The following KARS1 variants were observed in gnomAD, a reference collection of about 807,000 sequenced individuals.
KARS1 encodes the protein lysyl-tRNA synthetase 1.
In KARS1, 50 loss-of-function variants were observed where a neutral mutation model predicts 63.9. The ratio of observed to expected loss-of-function variants is 0.78; its 90% CI spans 0.62 to 0.99. KARS1 has a LOEUF of 0.99. Ranked by LOEUF, KARS1 falls within the 50% of genes least tolerant of loss-of-function variation. The pLI is 0.00. For missense variants in KARS1, 816 were observed against 754.5 expected, an observed-to-expected ratio of 1.08 and a Z score of -0.95; for synonymous variants, 320 against 264.6, an observed-to-expected ratio of 1.21 and a Z score of -2.03.
chr16:75,633,514 A>AT (rs1345091332), intron 7 of KARS1, among the ~76,000 whole-genome samples: 3 of 139,974 alleles, frequency 2.1e-5, no homozygotes, highest in Non-Finnish European at 3.1e-5. Flanking sequence ...ATTTGAAGAT[A>AT]CTTTTTTTTT....
intron 6 of KARS1, 179 bp downstream of exon 6, chr16:75,635,501 C>T: frequency 2.8e-6 from 2 of 711,148 alleles, no homozygotes; most frequent in Non-Finnish European, 4.9e-6. Context: ...TCTTGGAAGT[C>T]AGGTCCTGCC....
At chr16:75,628,754 A>G (rs748357802) in intron 12 of KARS1, 42 bp from the exon 13 acceptor site, 5 of 1,610,232 alleles carry the variant, frequency 3.1e-6, no homozygotes, top group South Asian at 1.1e-5. Context: ...TTCTTCTAAG[A>G]TATCTCAGTG....
chr16:75,642,551 C>A (rs184691039), intron 1 of KARS1, among the ~76,000 whole-genome samples: 121 of 152,122 alleles, frequency 8.0e-4, no homozygotes, highest in African/African-American at 2.9e-3. Context: ...CCTCTGCTAC[C>A]CCCTCTCTCT....
intron 1 of KARS1, among the ~76,000 whole-genome samples, chr16:75,645,821 G>T (rs999656890): frequency 9.3e-4 from 136 of 145,834 alleles, no homozygotes; most frequent in African/African-American, 3.2e-3. Context: ...CAATCCAGCC[G>T]GGGCAACAAC....
chr16:75,643,360 G>A (rs2082245370), intron 1 of KARS1, among the ~76,000 whole-genome samples: 1 of 151,622 alleles, frequency 6.6e-6, no homozygotes, highest in Non-Finnish European at 1.5e-5. Context: ...AAAATGAATT[G>A]AGGTTTTGAA....
intron 7 of KARS1, 124 bp from the exon 8 acceptor site, chr16:75,631,979 C>G: frequency 8.6e-7 from 1 of 1,156,424 alleles, no homozygotes; most frequent in African/African-American, 1.5e-5. Context: ...CCTCCGCCTC[C>G]TAGGTTCAAG....
intron 1 of KARS1, among the ~76,000 whole-genome samples, chr16:75,646,005 GAACTA>G (rs2082278975): frequency 6.6e-6 from 1 of 152,100 alleles, no homozygotes; most frequent in South Asian, 2.1e-4. Context: ...TTGAAAGAAT[GAACTA>G]AACTTTAGGA....
chr16:75,632,715 G>A (rs1307002351), intron 7 of KARS1, among the ~76,000 whole-genome samples: 1 of 152,160 alleles, frequency 6.6e-6, no homozygotes, highest in Non-Finnish European at 1.5e-5. Context: ...ATTCCTAGTT[G>A]TATAGTTTCC....
intron 1 of KARS1, 152 bp downstream of exon 1, chr16:75,647,426 C>A (rs2082300122): frequency 1.6e-5 from 12 of 773,672 alleles, no homozygotes; most frequent in Non-Finnish European, 2.7e-5. Flanking sequence ...GGTACGTGGT[C>A]TGCAGGGCGC....
intron 6 of KARS1, among the ~76,000 whole-genome samples, 169 bp from the exon 7 acceptor site, chr16:75,634,461 G>C (rs565287634): frequency 6.6e-6 from 1 of 152,192 alleles, no homozygotes; most frequent in Non-Finnish European, 1.5e-5. Context: ...GATTTTCTAC[G>C]ACAGTGTCTC....
At chr16:75,645,809 T>G (rs1269384170) in intron 1 of KARS1, among the ~76,000 whole-genome samples, 3 of 132,776 alleles carry the variant, frequency 2.3e-5, no homozygotes, top group Non-Finnish European at 4.6e-5. Context: ...ATCGCACCGC[T>G]GCAATCCAGC....
chr16:75,638,460 TCA>T (rs1293331748), intron 3 of KARS1, among the ~76,000 whole-genome samples: 1 of 151,778 alleles, frequency 6.6e-6, no homozygotes, highest in African/African-American at 2.4e-5. Flanking sequence ...TGTTCAACTC[TCA>T]CTTATGAGTG....
chr16:75,640,165 T>A lies in KARS1; in HGVS notation c.388+19A>T, dbSNP rs74830021. On this transcript the variant is annotated intron_variant, in intron 3 of 13. Transcript: ENST00000302445. ...TACCTGCTGTGGGAGTTCAGTGATT[T>A]GCCAGGGAGAGTTCCTACCTGCCAC... 730 of 1,611,830 alleles carry A rather than the reference T, an allele frequency of 4.5e-4. 13 individuals carry two copies. In the East Asian group the frequency reaches 0.015, roughly 34 times the overall value.
Position 75,634,310 on chromosome 16 carries a change from A to G in KARS1, c.796-18T>C. ...GTTTCAATCTAAAAAAGGCAGGGAG[A>G]AACATCAGTCCTTAGATAACCAGAG... On this transcript the variant is annotated intron_variant, in intron 6 of 13. Transcript: ENST00000302445. 5 of 1,613,560 alleles carry G rather than the reference A, an allele frequency of 3.1e-6. No individual in the cohort carries two copies. The highest frequency in any genetic ancestry group is 4.2e-6 in the Non-Finnish European group (5 of 1,179,680).
rs2082151503 is a variant in KARS1 at position 75,635,461 on chromosome 16, C to G, written c.795+219G>C. 9 of 562,248 alleles carry G rather than the reference C, an allele frequency of 1.6e-5. No individual in the cohort carries two copies. In the Admixed American group the frequency reaches 2.7e-4, roughly 17 times the overall value. The allele number at this position is 562,248 out of a possible 1,614,324, so 34.8% of individuals were successfully genotyped here. On this transcript the variant is annotated intron_variant, in intron 6 of 13. Coordinates refer to ENST00000302445, the MANE Select transcript of KARS1 (RefSeq NM_005548.3). ...TACATATTGAATGTGACATCATTAG[C>G]ATGTGGATGGCCCTATACCTTGTCC...
rs747105466 is a variant in KARS1 at position 75,627,878 on chromosome 16, C to T, written c.*17G>A. The T allele has an allele frequency of 2.6e-5, 37 of 1,402,788 alleles. No homozygotes were observed. In the Admixed American group the frequency reaches 5.8e-4, roughly 22 times the overall value. 86.9% of individuals were successfully genotyped at this position (1,402,788 alleles called of 1,614,324 possible). A position where few individuals can be genotyped will look rare whatever the true frequency, so the allele number is the denominator to read the frequency against. ...ATGCAAAGACGCCTGAGTTATACAACTTGCAATTATTATTTTCTAGACAGA... is the reference window on the plus strand; with the variant it reads ...ATGCAAAGACGCCTGAGTTATACAATTTGCAATTATTATTTTCTAGACAGA... On this transcript the variant is annotated 3_prime_UTR_variant, in exon 14 of 14. Coordinates refer to ENST00000302445, the MANE Select transcript of KARS1 (RefSeq NM_005548.3).
At position 75,629,449 on chromosome 16, in the gene KARS1, A is replaced by T; in HGVS notation, c.1517T>A (p.Met506Lys). ...TTCTTCAAAAAGCTGCCGCTGCCGCATGGGATCATTCAGCTCAGTATACGC... is the reference window on the plus strand; with the variant it reads ...TTCTTCAAAAAGCTGCCGCTGCCGCTTGGGATCATTCAGCTCAGTATACGC... Reference protein sequence around the residue: ...CNAYTELNDPMRQRQLFEEQA... With the variant: ...CNAYTELNDPKRQRQLFEEQA... The change falls in exon 12 of 14, where the codon ATG becomes AAG. Residue 506 changes from methionine (M) to lysine (K), a missense_variant. Transcript: ENST00000302445. The T allele has an allele frequency of 6.2e-7, 1 of 1,614,176 alleles. No homozygotes were observed. Among genetic ancestry groups the T allele is most frequent in the East Asian group, 2.2e-5 (1 of 44,888 alleles).
chr16:75,629,291 A>AC (rs753552862), intron 12 of KARS1, 124 bp downstream of exon 12: 3 of 1,166,298 alleles, frequency 2.6e-6, no homozygotes, highest in Non-Finnish European at 3.6e-6. Flanking sequence ...CTCCTCCAGC[A>AC]AGCCTATGGC....
intron 7 of KARS1, among the ~76,000 whole-genome samples, chr16:75,633,751 A>C (rs111676921): frequency 0.032 from 4,917 of 152,292 alleles, 120 homozygotes; most frequent in African/African-American, 0.067. Context: ...TCTTGACCTC[A>C]AGTGATCCAT....
Sources: gnomAD v4.1 joint callset for allele counts (sites outside exome capture counted in the v4.1 genomes callset) on GRCh38, gnomAD v4.1.1 for gene constraint, MANE v1.5 for transcripts, NCBI Gene and HGNC (gene_info 2026-07-23, HGNC 2026-07-21) for gene names.